The following TPRN variants were observed in gnomAD, a reference collection of about 807,000 sequenced individuals.
TPRN encodes chromosome 9 open reading frame 75.
Under a neutral mutation model 42.6 loss-of-function variants are expected in TPRN, and 32 were observed. The observed-to-expected ratio is 0.75, with a 90% CI of 0.57 to 1.01. The LOEUF is 1.01. Ranked by LOEUF, TPRN falls within the 50% of genes least tolerant of loss-of-function variation. The pLI, the probability that TPRN is intolerant of heterozygous loss-of-function variation, is 0.00. For missense variants in TPRN, 1,095 were observed against 957.5 expected, an observed-to-expected ratio of 1.14 and a Z score of -1.90; for synonymous variants, 541 against 445.6, an observed-to-expected ratio of 1.21 and a Z score of -2.70.
intron 1 of TPRN, chr9:137,193,665 G>A (rs1834662244): frequency 6.6e-6 from 1 of 152,382 alleles, no homozygotes; most frequent in Non-Finnish European, 1.5e-5. Context: ...TAATGAATAT[G>A]AGCGGCCCCC....
At chr9:137,193,041 G>A in intron 1 of TPRN, 1 of 334,726 alleles carries the variant, frequency 3.0e-6, no homozygotes, top group Non-Finnish European at 5.6e-6. Context: ...GCCAGCTGGG[G>A]GGAAACTGGG....
chr9:137,193,010 G>A, intron 1 of TPRN: 1 of 408,896 alleles, frequency 2.4e-6, no homozygotes, highest in Non-Finnish European at 4.5e-6. Context: ...GGCCCCTCCT[G>A]CTCTGCTGTC....
In TPRN at chr9:137,192,572, TTCCTCCTCCTCCTCC is replaced by T. The variant is rs376810326; in HGVS notation, c.1830_1844del (p.Glu617_Glu621del). 85 of 1,608,426 alleles carry T rather than the reference TTCCTCCTCCTCCTCC, an allele frequency of 5.3e-5. No homozygotes were observed. In the African/African-American group the frequency reaches 7.5e-4, roughly 14 times the overall value. Reference sequence around the variant, plus strand: ...CGGATCCCTCTTCCTCCTCTTCCTCTTCCTCCTCCTCCTCCTCCTCCTCCTCCTGCTGGTCCACCT... The same window carrying T: ...CGGATCCCTCTTCCTCCTCTTCCTCTTCCTCCTCCTCCTGCTGGTCCACCT... On this transcript the variant is annotated inframe_deletion, in exon 2 of 4. Coordinates refer to ENST00000409012, the MANE Select transcript of TPRN (RefSeq NM_001128228.3).
chr9:137,192,900 T>G (rs1834648775), intron 1 of TPRN: 1 of 601,830 alleles, frequency 1.7e-6, no homozygotes, highest in African/African-American at 1.9e-5. Context: ...CAACCTCCCC[T>G]CCCCATTCCA....
rs76275509 is a variant in TPRN at position 137,192,593 on chromosome 9, C to T, written c.1824G>A (p.Glu608=). Residue 608 remains glutamate (E), a synonymous_variant, in exon 2 of 4, where the codon GAG becomes GAA. Transcript: ENST00000409012. ...CCTCTTCCTCCTCCTCCTCCTCCTC[C>T]TCCTCCTGCTGGTCCACCTCTTCCT... ...EQEEEVDQQE[E]EEEEEEEEEE... The T allele has an allele frequency of 6.2e-7, 1 of 1,612,452 alleles. No individual in the cohort carries two copies. Among genetic ancestry groups the T allele is most frequent in the Middle Eastern group, 1.7e-4 (1 of 6,058 alleles).
Position 137,199,869 on chromosome 9 carries a change from A to AGGAGTG in TPRN, c.837_842dup (p.Thr280_Pro281dup). 1 of 1,301,334 alleles carries AGGAGTG rather than the reference A, an allele frequency of 7.7e-7. No individual in the cohort carries two copies. Among genetic ancestry groups the AGGAGTG allele is most frequent in the Non-Finnish European group, 1.0e-6 (1 of 993,286 alleles). 80.6% of individuals were successfully genotyped at this position (1,301,334 alleles called of 1,614,324 possible). A position where few individuals can be genotyped will look rare whatever the true frequency, so the allele number is the denominator to read the frequency against. On this transcript the variant is annotated inframe_insertion, in exon 1 of 4. Transcript: ENST00000409012. ...CTGCGGAGACGCACTGGCGCTGGCT[A>AGGAGTG]GGAGTGGCACTGGCAGGGGGTGAGG... is the stretch of plus-strand genomic sequence containing the variant.
intron 1 of TPRN, 114 bp from the exon 2 acceptor site, chr9:137,192,805 CCAT>C: frequency 8.6e-7 from 1 of 1,158,968 alleles, no homozygotes; most frequent in Non-Finnish European, 1.3e-6. Context: ...GCCAGACACA[CCAT>C]CAACCGTTCC....
chr9:137,195,723 G>A (rs976126005), intron 1 of TPRN, among the ~76,000 whole-genome samples: 1 of 152,216 alleles, frequency 6.6e-6, no homozygotes, highest in Non-Finnish European at 1.5e-5. Context: ...GGGAGGAGGG[G>A]AGTAGGGCAG....
In TPRN at chr9:137,200,287, G is replaced by T; in HGVS notation, c.425C>A (p.Pro142Gln). ...RVSRLLERFD[P>Q]PAAPRRRGSP... is the part of the protein sequence containing the mutation. ...CCCGCGGCGGCGCGGCGCGGCGGGCGGGTCGAACCTCTCCAGTAGGCGGCT... is the reference window on the plus strand; with the variant it reads ...CCCGCGGCGGCGCGGCGCGGCGGGCTGGTCGAACCTCTCCAGTAGGCGGCT... The change falls in exon 1 of 4, where the codon CCG becomes CAG. Residue 142 changes from proline to glutamine, a missense_variant. Transcript: ENST00000409012. The surrounding 1 kb of genome is among the most constrained non-coding windows in gnomAD (Gnocchi z 4.3). 1.1e-5 allele frequency: 11 copies of T among 987,214 alleles called. No homozygotes were observed. The South Asian group carries it at 5.0e-4, about 45-fold the overall frequency. The allele number at this position is 987,214 out of a possible 1,614,324, so 61.2% of individuals were successfully genotyped here. A position where few individuals can be genotyped will look rare whatever the true frequency, so the allele number is the denominator to read the frequency against.
chr9:137,195,587 G>T (rs1834693187), intron 1 of TPRN, among the ~76,000 whole-genome samples: 1 of 152,222 alleles, frequency 6.6e-6, no homozygotes, highest in Admixed American at 6.5e-5. Context: ...TGGGTCTAAG[G>T]ATCAGAGAGC....
intron 1 of TPRN, among the ~76,000 whole-genome samples, chr9:137,195,569 G>A (rs1341686583): frequency 6.6e-6 from 1 of 152,256 alleles, no homozygotes; most frequent in Admixed American, 6.5e-5. Flanking sequence ...AGATGTCAGG[G>A]TGGCTCTTGG....
rs1834785650 is a variant in TPRN at position 137,200,274 on chromosome 9, C to G, written c.438G>C (p.Pro146=). Residue 146 remains proline, a synonymous_variant, in exon 1 of 4, where the codon CCG becomes CCC. Transcript: ENST00000409012. This position sits in a 1 kb window ranked among gnomAD's most constrained non-coding sequence, Gnocchi z 4.3. ...LLERFDPPAA[P]RRRGSPERAR... is the part of the protein sequence containing the mutation. ...CGCGCTCGGGGCTCCCGCGGCGGCG[C>G]GGCGCGGCGGGCGGGTCGAACCTCT... 3 of 978,852 alleles carry G rather than the reference C, an allele frequency of 3.1e-6. No individual in the cohort carries two copies. The allele number at this position is 978,852 out of a possible 1,614,324, so 60.6% of individuals were successfully genotyped here.
At chr9:137,197,897 C>A (rs980019903) in intron 1 of TPRN, among the ~76,000 whole-genome samples, 6 of 152,206 alleles carry the variant, frequency 3.9e-5, no homozygotes, top group African/African-American at 1.4e-4. Context: ...CAGATAGAGC[C>A]GGCAGGGGCA....
At position 137,200,075 on chromosome 9, in the gene TPRN, G is replaced by A. The variant is rs1834779475; in HGVS notation, c.637C>T (p.His213Tyr). ...NSFTVHPRGL[H>Y]RGAGARLLSN... ...AGCAGGCGGGCGCCCGCGCCGCGGT[G>A]CAGACCCCGGGGGTGGACGGTGAAG... The change falls in exon 1 of 4, where the codon CAC (histidine) becomes TAC (tyrosine). Residue 213 changes from histidine (H) to tyrosine (Y), a missense_variant. Transcript: ENST00000409012. The surrounding 1 kb of genome is among the most constrained non-coding windows in gnomAD (Gnocchi z 4.3). The A allele has an allele frequency of 1.4e-6, 2 of 1,426,328 alleles. No homozygotes were observed. Among genetic ancestry groups the A allele is most frequent in the Admixed American group, 3.0e-5 (1 of 33,856 alleles). 88.4% of individuals were successfully genotyped at this position (1,426,328 alleles called of 1,614,324 possible).
rs1444396743 is a variant in TPRN at position 137,200,398 on chromosome 9, C to A, written c.314G>T (p.Gly105Val). 3 of 1,112,432 alleles carry A rather than the reference C, an allele frequency of 2.7e-6. No individual in the cohort carries two copies. The highest frequency in any genetic ancestry group is 2.2e-6 in the Non-Finnish European group (2 of 909,446). The allele number at this position is 1,112,432 out of a possible 1,614,324, so 68.9% of individuals were successfully genotyped here. A position where few individuals can be genotyped will look rare whatever the true frequency, so the allele number is the denominator to read the frequency against. ...DSVLIIETVP[G>V]FPPAPPAPGA... ...CGGGGCGGGCGGCGCGGGCGGGAAG[C>A]CGGGCACCGTCTCGATGATGAGGAC... Residue 105 changes from glycine to valine, a missense_variant, in exon 1 of 4, where the codon GGC becomes GTC. Transcript: ENST00000409012. This position sits in a 1 kb window ranked among gnomAD's most constrained non-coding sequence, Gnocchi z 4.3.
intron 1 of TPRN, among the ~76,000 whole-genome samples, chr9:137,198,529 G>A (rs564662207): frequency 6.6e-6 from 1 of 152,354 alleles, no homozygotes; most frequent in South Asian, 2.1e-4. Context: ...AGCCAACCCC[G>A]ATCATCTGGC....
intron 1 of TPRN, 144 bp downstream of exon 1, chr9:137,198,843 C>A (rs777368495): frequency 6.6e-7 from 1 of 1,523,150 alleles, no homozygotes; most frequent in African/African-American, 1.4e-5. Context: ...CACGGCCCAC[C>A]CAGCCCCAGC....
At position 137,200,605 on chromosome 9, in the gene TPRN, C is replaced by A. The variant is rs1321516900; in HGVS notation, c.107G>T (p.Gly36Val). 1 of 1,161,934 alleles carries A rather than the reference C, an allele frequency of 8.6e-7. No individual in the cohort carries two copies. The highest frequency in any genetic ancestry group is 1.1e-6 in the Non-Finnish European group (1 of 946,514). The allele number at this position is 1,161,934 out of a possible 1,614,324, so 72.0% of individuals were successfully genotyped here. ...KRAKLAALGG[G>V]AGPGAAEPEQ... is the part of the protein sequence containing the mutation. ...GGGCTCCGCCGCCCCGGGCCCCGCG[C>A]CCCCGCCCAGCGCGGCTAGCTTGGC... Residue 36 changes from glycine to valine, a missense_variant, in exon 1 of 4, where the codon GGC (glycine) becomes GTC (valine). Gly to Val is a moderately radical substitution (Grantham distance 109, BLOSUM62 -3). Transcript: ENST00000409012. The surrounding 1 kb of genome is among the most constrained non-coding windows in gnomAD (Gnocchi z 4.3).
In TPRN at chr9:137,192,549, G is replaced by T; in HGVS notation, c.1868C>A (p.Ser623Tyr). 1.9e-6 allele frequency: 3 copies of T among 1,609,480 alleles called. No individual in the cohort carries two copies. Among genetic ancestry groups the T allele is most frequent in the Non-Finnish European group, 2.5e-6 (3 of 1,178,086 alleles). ...EEEEEEEEEGSGSEEKPFALF... is the reference protein window; with the variant it reads ...EEEEEEEEEGYGSEEKPFALF... ...TGCAAAGGGCTTCTCCTCTGAGCCG[G>T]ATCCCTCTTCCTCCTCTTCCTCTTC... The change falls in exon 2 of 4, where the codon TCC (serine) becomes TAC (tyrosine). Residue 623 changes from serine to tyrosine, a missense_variant. By Grantham distance (144) the Ser-to-Tyr change is moderately radical (BLOSUM62 -2). Coordinates refer to ENST00000409012, the MANE Select transcript of TPRN (RefSeq NM_001128228.3).
Sources: gnomAD v4.1 joint callset for allele counts (sites outside exome capture counted in the v4.1 genomes callset) on GRCh38, gnomAD v4.1.1 for gene constraint, Gnocchi (gnomAD v3.1) non-coding constraint, MANE v1.5 for transcripts, NCBI Gene and HGNC (gene_info 2026-07-23, HGNC 2026-07-21) for gene names.